LAIR2: variants seen among roughly 807,000 people sequenced by gnomAD.
LAIR2 encodes leukocyte-associated immunoglobulin-like receptor 2.
LAIR2 carries 14 observed loss-of-function variants against 14.8 expected under a neutral mutation model. The ratio of observed to expected loss-of-function variants is 0.95; its 90% confidence interval spans 0.62 to 1.48. LAIR2 has a LOEUF of 1.48. Among genes scored for constraint, LAIR2 ranks in the 40% most tolerant of loss-of-function variants. The pLI is 0.00. For missense variants in LAIR2, 172 were observed against 180.9 expected (o/e 0.95, Z 0.28); for synonymous variants, 75 against 74.5 (o/e 1.01, Z -0.03).
In LAIR2 at chr19:54,503,720, A is replaced by G. The variant is rs1446993642; in HGVS notation, c.55A>G (p.Ile19Val). Residue 19 changes from isoleucine to valine, a missense_variant, in exon 2 of 5, where the codon ATC (isoleucine) becomes GTC (valine). Coordinates refer to ENST00000301202, the MANE Select transcript of LAIR2 (RefSeq NM_002288.6). The stretch of plus-strand genomic sequence containing the variant: ...TCCAGTGCTCTGCCTGGCCCAGACC[A>G]TCCACACGCAGGAGGGTAAGTCATG... ...LGLVLCLAQT[I>V]HTQEGALPRP... The G allele has an allele frequency of 6.2e-7, 1 of 1,613,946 alleles. No individual in the cohort carries two copies.
chr19:54,504,435 A>G (rs2085328118), intron 2 of LAIR2, among the ~76,000 whole-genome samples: 1 of 152,182 alleles, frequency 6.6e-6, no homozygotes, highest in Non-Finnish European at 1.5e-5. Flanking sequence ...CAATTTTGAA[A>G]TATATAATAA....
Position 54,508,119 on chromosome 19 carries a change from G to T in LAIR2, c.299G>T (p.Arg100Leu). 1 of 1,614,114 alleles carries T rather than the reference G, an allele frequency of 6.2e-7. No homozygotes were observed. The highest frequency in any genetic ancestry group is 8.5e-7 in the Non-Finnish European group (1 of 1,180,010). ...AGTGAAGGAAATGCCGGGCTTTATC[G>T]CTGCCTCTATTATAAGCCCCCTGGA... is the stretch of plus-strand genomic sequence containing the variant. The part of the protein sequence containing the change: ...SVSEGNAGLY[R>L]CLYYKPPGWS... Residue 100 changes from arginine to leucine, a missense_variant, in exon 3 of 5, where the codon CGC (arginine) becomes CTC (leucine). Arg to Leu is a moderately radical substitution (Grantham distance 102, BLOSUM62 -2). Transcript: ENST00000301202.
chr19:54,505,527 G>A (rs938120638), intron 2 of LAIR2, among the ~76,000 whole-genome samples: 2 of 152,078 alleles, frequency 1.3e-5, no homozygotes, highest in South Asian at 2.1e-4. Context: ...AGGGACTGGC[G>A]ATTTGCAAAA....
intron 2 of LAIR2, among the ~76,000 whole-genome samples, chr19:54,507,339 G>T (rs2085383273): frequency 6.6e-6 from 1 of 151,194 alleles, no homozygotes; most frequent in Non-Finnish European, 1.5e-5. Flanking sequence ...CCTGTCACGG[G>T]CTGGGCATCT....
rs1474177170 is a variant in LAIR2 at position 54,507,917 on chromosome 19, G to C, written c.97G>C (p.Ala33Pro). The C allele has an allele frequency of 6.2e-7, 1 of 1,614,038 alleles. No individual in the cohort carries two copies. Among genetic ancestry groups the C allele is most frequent in the South Asian group, 1.1e-5 (1 of 91,064 alleles). Residue 33 changes from alanine to proline, a missense_variant, in exon 3 of 5, where the codon GCT (alanine) becomes CCT (proline). By Grantham distance (27) the Ala-to-Pro change is conservative. Transcript: ENST00000301202. ...GGCCCTTCCCAGACCCTCCATCTCGGCTGAGCCAGGCACTGTGATCTCCCC... is the reference window on the plus strand; with the variant it reads ...GGCCCTTCCCAGACCCTCCATCTCGCCTGAGCCAGGCACTGTGATCTCCCC... The part of the protein sequence containing the change: ...EGALPRPSIS[A>P]EPGTVISPGS...
Position 54,502,909 on chromosome 19 carries a change from G to A in LAIR2, c.-10G>A. 6.2e-7 allele frequency: 1 copy of A among 1,614,092 alleles called. No homozygotes were observed. The highest frequency in any genetic ancestry group is 8.5e-7 in the Non-Finnish European group (1 of 1,179,938). ...GCTTGTGTCTGCTGCAGAGTTCTGGGACCGGGGCCATGTCTCCACACCTCA... is the reference window on the plus strand; with the variant it reads ...GCTTGTGTCTGCTGCAGAGTTCTGGAACCGGGGCCATGTCTCCACACCTCA... On this transcript the variant is annotated 5_prime_UTR_variant, in exon 1 of 5. Transcript: ENST00000301202.
In LAIR2 at chr19:54,502,994, G is replaced by A. The variant is rs746579691; in HGVS notation, c.34+42G>A. ...GCGGGAAGGACTGGAAAGGGGGTCG[G>A]GAGGTCTGGAAAGTTCCCTGCTCAA... On this transcript the variant is annotated intron_variant, in intron 1 of 4. Coordinates refer to ENST00000301202, the MANE Select transcript of LAIR2 (RefSeq NM_002288.6). The A allele has an allele frequency of 1.9e-6, 3 of 1,586,492 alleles. No homozygotes were observed. The South Asian group carries it at 3.4e-5, about 18-fold the overall frequency.
In LAIR2 at chr19:54,503,179, G is replaced by A. The variant is rs192078790; in HGVS notation, c.34+227G>A. Among the ~76,000 whole-genome samples the A allele has an allele frequency of 1.8e-3, 272 of 152,194 alleles. 1 individual carries two copies. Among genetic ancestry groups the A allele is most frequent in the Non-Finnish European group, 2.8e-3 (192 of 67,998 alleles). ...GAGGTCAGCTTTAAGAAGGGCTGGGGGGCCAGGCGCGGTGCTCACACCTGT... is the reference window on the plus strand; with the variant it reads ...GAGGTCAGCTTTAAGAAGGGCTGGGAGGCCAGGCGCGGTGCTCACACCTGT... On this transcript the variant is annotated intron_variant, in intron 1 of 4. Coordinates refer to ENST00000301202, the MANE Select transcript of LAIR2 (RefSeq NM_002288.6).
At chr19:54,503,827 G>C in intron 2 of LAIR2, 92 bp downstream of exon 2, 1 of 1,531,486 alleles carries the variant, frequency 6.5e-7, no homozygotes, top group South Asian at 1.1e-5. Flanking sequence ...AGAGGGCCTG[G>C]AGAGATCCCT....
In LAIR2 at chr19:54,510,626, G is replaced by T; in HGVS notation, c.*57G>T. The T allele has an allele frequency of 6.3e-7, 1 of 1,599,926 alleles. No homozygotes were observed. Among genetic ancestry groups the T allele is most frequent in the South Asian group, 1.1e-5 (1 of 90,760 alleles). The stretch of plus-strand genomic sequence containing the variant: ...TTCAATGGGGAGAAATAATTAGAAT[G>T]AGCAATAGAAATGCACAGATGCCTA... On this transcript the variant is annotated 3_prime_UTR_variant, in exon 5 of 5. Coordinates refer to ENST00000301202, the MANE Select transcript of LAIR2 (RefSeq NM_002288.6).
intron 3 of LAIR2, among the ~76,000 whole-genome samples, 174 bp from the exon 4 acceptor site, chr19:54,508,861 G>A (rs546969067): frequency 1.3e-5 from 2 of 152,352 alleles, no homozygotes; most frequent in South Asian, 2.1e-4. Flanking sequence ...GGGAGAATGG[G>A]GCAAGCAGCG....
At chr19:54,503,823 C>T (rs1323864005) in intron 2 of LAIR2, 88 bp downstream of exon 2, 1 of 1,544,118 alleles carries the variant, frequency 6.5e-7, no homozygotes, top group Non-Finnish European at 8.9e-7. Context: ...TCTTAGAGGG[C>T]CTGGAGAGAT....
intron 1 of LAIR2, among the ~76,000 whole-genome samples, chr19:54,503,221 G>C (rs1475479826): frequency 6.6e-6 from 1 of 152,026 alleles, no homozygotes; most frequent in Non-Finnish European, 1.5e-5. Flanking sequence ...AGCACTTTGG[G>C]AGGCTGAGGC....
Position 54,502,888 on chromosome 19 carries a change from G to C in LAIR2, c.-31G>C. The C allele has an allele frequency of 6.2e-7, 1 of 1,614,038 alleles. No homozygotes were observed. Among genetic ancestry groups the C allele is most frequent in the Admixed American group, 1.7e-5 (1 of 60,028 alleles). On this transcript the variant is annotated 5_prime_UTR_variant, in exon 1 of 5. Coordinates refer to ENST00000301202, the MANE Select transcript of LAIR2 (RefSeq NM_002288.6). ...CCCGGCCAGCACATCCTGTCTGCTT[G>C]TGTCTGCTGCAGAGTTCTGGGACCG...
Position 54,502,945 on chromosome 19 carries a change from G to T in LAIR2, c.27G>T (p.Leu9=). The T allele has an allele frequency of 6.2e-7, 1 of 1,613,702 alleles. No individual in the cohort carries two copies. The highest frequency in any genetic ancestry group is 8.5e-7 in the Non-Finnish European group (1 of 1,179,810). ...TGTCTCCACACCTCACTGCTCTCCT[G>T]GGCCTAGGTGAGTCCTGGAGGGAGC... MSPHLTAL[L]GLVLCLAQTI... The change falls in exon 1 of 5, where the codon CTG becomes CTT. Residue 9 remains leucine (L), a synonymous_variant. Transcript: ENST00000301202.
intron 4 of LAIR2, among the ~76,000 whole-genome samples, chr19:54,509,887 G>A (rs142643945): frequency 0.017 from 2,551 of 151,248 alleles, 74 homozygotes; most frequent in African/African-American, 0.058. Flanking sequence ...AGGACACGGG[G>A]TCATAAGCCA....
At chr19:54,507,295 G>T (rs1355038371) in intron 2 of LAIR2, among the ~76,000 whole-genome samples, 1 of 150,476 alleles carries the variant, frequency 6.6e-6, no homozygotes, top group African/African-American at 2.4e-5. Flanking sequence ...CCCAGAGGTG[G>T]TGTCTCCACA....
intron 4 of LAIR2, among the ~76,000 whole-genome samples, chr19:54,509,838 C>A (rs1014948999): frequency 3.3e-5 from 5 of 151,744 alleles, no homozygotes; most frequent in African/African-American, 9.6e-5. Flanking sequence ...TCAAGTTGTC[C>A]ATCTCCGCCT....
intron 2 of LAIR2, among the ~76,000 whole-genome samples, chr19:54,507,347 T>C (rs951420940): frequency 2.0e-5 from 3 of 151,398 alleles, no homozygotes; most frequent in African/African-American, 7.3e-5. Flanking sequence ...GGGCTGGGCA[T>C]CTGCTGTGAG....
Sources: gnomAD v4.1 joint callset for allele counts (sites outside exome capture counted in the v4.1 genomes callset) on GRCh38, gnomAD v4.1.1 for gene constraint, MANE v1.5 for transcripts, NCBI Gene and HGNC (gene_info 2026-07-23, HGNC 2026-07-21) for gene names.